The following TNR variants were observed in gnomAD, a reference collection of about 807,000 sequenced individuals.
The protein encoded by TNR is tenascin R, also known as tenascin-R.
In TNR, 45 loss-of-function variants were observed where a neutral mutation model predicts 150.4. That is an observed-to-expected ratio of 0.30 (90% CI 0.24 to 0.38). The LOEUF (loss-of-function observed/expected upper bound fraction) is 0.38. Ranked by LOEUF, TNR falls within the 10% of genes least tolerant of loss-of-function variation. The probability of loss-of-function intolerance (pLI) is 1.00; values close to 1 mark genes in which losing one functional copy is unlikely to be tolerated. For missense variants in TNR, 1,544 were observed against 1,759.1 expected (o/e 0.88, Z 2.19); for synonymous variants, 687 against 678.4 (o/e 1.01, Z -0.20).
intron 1 of TNR, among the ~76,000 whole-genome samples, chr1:175,706,736 C>T (rs907975978): frequency 5.9e-5 from 9 of 152,088 alleles, no homozygotes; most frequent in Non-Finnish European, 1.0e-4. Flanking sequence ...ACTCTGGGCC[C>T]GTGCAGGTAA....
At chr1:175,388,341 G>T (rs904698612) in intron 7 of TNR, among the ~76,000 whole-genome samples, 1 of 152,016 alleles carries the variant, frequency 6.6e-6, no homozygotes, top group Non-Finnish European at 1.5e-5. Flanking sequence ...CAGAAAACCC[G>T]AATCATAATG....
At chr1:175,533,759 C>T (rs1190094767) in intron 1 of TNR, among the ~76,000 whole-genome samples, 4 of 152,166 alleles carry the variant, frequency 2.6e-5, no homozygotes, top group South Asian at 2.1e-4. Flanking sequence ...TCAAAATGAA[C>T]AGGCTGCCCT....
chr1:175,697,015 T>C (rs1302537342), intron 1 of TNR, among the ~76,000 whole-genome samples: 1 of 151,494 alleles, frequency 6.6e-6, no homozygotes, highest in Non-Finnish European at 1.5e-5. Context: ...TATTTGTGAG[T>C]GTAGTTTGTG....
At chr1:175,613,198 C>T (rs1663651913) in intron 1 of TNR, among the ~76,000 whole-genome samples, 1 of 152,132 alleles carries the variant, frequency 6.6e-6, no homozygotes. Flanking sequence ...AGGGCAAAGA[C>T]ATAATCTCTC....
At chr1:175,581,646 A>G (rs552905212) in intron 1 of TNR, among the ~76,000 whole-genome samples, 2 of 152,296 alleles carry the variant, frequency 1.3e-5, no homozygotes, top group East Asian at 3.9e-4. Context: ...CTTCACTACA[A>G]TGAAGCTTTG....
intron 2 of TNR, among the ~76,000 whole-genome samples, chr1:175,485,758 A>G (rs1171440612): frequency 6.6e-6 from 1 of 152,222 alleles, no homozygotes; most frequent in Non-Finnish European, 1.5e-5. Context: ...GTTTATTTAT[A>G]TAGAATAAAA....
chr1:175,582,257 T>C (rs1662377720), intron 1 of TNR, among the ~76,000 whole-genome samples: 1 of 152,224 alleles, frequency 6.6e-6, no homozygotes, highest in Non-Finnish European at 1.5e-5. Context: ...AGTATTGTTT[T>C]TGAGTTCTTG....
chr1:175,400,193 G>A (rs565216919), intron 4 of TNR, among the ~76,000 whole-genome samples: 11 of 115,740 alleles, frequency 9.5e-5, no homozygotes, highest in Admixed American at 4.8e-4. Context: ...ATCATGTGAT[G>A]GAGCTCAGCT....
At chr1:175,675,136 G>A (rs1202188355) in intron 1 of TNR, among the ~76,000 whole-genome samples, 2 of 152,240 alleles carry the variant, frequency 1.3e-5, no homozygotes, top group Non-Finnish European at 2.9e-5. Context: ...TTGGCAAGTT[G>A]CAGAGCAGCC....
intron 1 of TNR, among the ~76,000 whole-genome samples, chr1:175,734,378 G>A (rs926848361): frequency 1.3e-5 from 2 of 152,244 alleles, no homozygotes; most frequent in Non-Finnish European, 2.9e-5. Context: ...TTTGATGGGT[G>A]AGGAAACTGA....
chr1:175,630,175 C>T (rs147820356), intron 1 of TNR, among the ~76,000 whole-genome samples: 3 of 152,242 alleles, frequency 2.0e-5, no homozygotes, highest in South Asian at 2.1e-4. Context: ...ATATCAAGAG[C>T]GATAGGTTAC....
chr1:175,590,885 T>C (rs1369235500), intron 1 of TNR, among the ~76,000 whole-genome samples: 1 of 152,186 alleles, frequency 6.6e-6, no homozygotes, highest in Non-Finnish European at 1.5e-5. Context: ...CCACAAAGCA[T>C]CAGTCATAAT....
chr1:175,356,717 T>C (rs1035658422), intron 15 of TNR, among the ~76,000 whole-genome samples: 4 of 152,194 alleles, frequency 2.6e-5, no homozygotes, highest in African/African-American at 4.8e-5. Context: ...TCTGGAGTTA[T>C]TAAGGATAAA....
chr1:175,702,638 A>T (rs999820585), intron 1 of TNR, among the ~76,000 whole-genome samples: 2 of 152,252 alleles, frequency 1.3e-5, no homozygotes, highest in African/African-American at 4.8e-5. Context: ...TATACAGAGC[A>T]GTTACCAAAA....
At chr1:175,549,221 G>A (rs551492414) in intron 1 of TNR, among the ~76,000 whole-genome samples, 100 of 152,338 alleles carry the variant, frequency 6.6e-4, no homozygotes, top group African/African-American at 9.6e-4. Flanking sequence ...GAGAGAGAAG[G>A]AAATCTTGTT....
At chr1:175,739,907 T>C (rs1183271948) in intron 1 of TNR, among the ~76,000 whole-genome samples, 1 of 152,252 alleles carries the variant, frequency 6.6e-6, no homozygotes, top group Non-Finnish European at 1.5e-5. Flanking sequence ...TACTGAATTC[T>C]AAGTTTTTAA....
chr1:175,582,740 C>G (rs1662406012), intron 1 of TNR, among the ~76,000 whole-genome samples: 1 of 152,112 alleles, frequency 6.6e-6, no homozygotes, highest in Admixed American at 6.5e-5. Context: ...TGCTTATATC[C>G]TCCAAAACTC....
At chr1:175,372,058 C>G (rs12562114) in intron 9 of TNR, among the ~76,000 whole-genome samples, 1 of 152,116 alleles carries the variant, frequency 6.6e-6, no homozygotes, top group Non-Finnish European at 1.5e-5. Context: ...AGTGAGTTCT[C>G]GTGAGATCTG....
At chr1:175,438,112 T>G (rs953339356) in intron 2 of TNR, among the ~76,000 whole-genome samples, 3 of 152,176 alleles carry the variant, frequency 2.0e-5, no homozygotes, top group African/African-American at 7.2e-5. Context: ...TGATGAACAT[T>G]GATGCAAAAA....
Sources: gnomAD v4.1 joint callset for allele counts (sites outside exome capture counted in the v4.1 genomes callset) on GRCh38, gnomAD v4.1.1 for gene constraint, MANE v1.5 for transcripts, NCBI Gene and HGNC (gene_info 2026-07-23, HGNC 2026-07-21) for gene names.